The following RXFP2 variants were observed in gnomAD, a reference collection of about 807,000 sequenced individuals.
The protein encoded by RXFP2 is relaxin receptor 2.
RXFP2 carries 68 observed loss-of-function variants against 88.6 expected under a neutral mutation model. The ratio of observed to expected loss-of-function variants is 0.77; its 90% confidence interval spans 0.63 to 0.94. RXFP2 has a LOEUF of 0.94. Among genes scored for constraint, RXFP2 ranks in the 40% least tolerant of loss-of-function variants. RXFP2 has a pLI of 0.00. For synonymous variants in RXFP2, 329 were observed against 306.8 expected, an observed-to-expected ratio of 1.07 and a Z score of -0.76; for missense variants, 791 against 893.9, an observed-to-expected ratio of 0.88 and a Z score of 1.47.
intron 7 of RXFP2, among the ~76,000 whole-genome samples, chr13:31,775,855 T>G (rs986091705): frequency 6.6e-6 from 1 of 152,208 alleles, no homozygotes; most frequent in Non-Finnish European, 1.5e-5. Flanking sequence ...CCAAGAAACC[T>G]CACGTCAGAT....
chr13:31,766,170 C>A lies in RXFP2; in HGVS notation c.497+143C>A, dbSNP rs1050986718. ...ATGTAATTAAGATTAGAAAATAAAA[C>A]ATTTGAAAGTATGTTATCTTTCCAT... On this transcript the variant is annotated intron_variant, in intron 5 of 17. Transcript: ENST00000298386. 8.2e-6 allele frequency: 5 copies of A among 606,510 alleles called. No homozygotes were observed. In the Admixed American group the frequency reaches 8.7e-5, roughly 11 times the overall value. The allele number at this position is 606,510 out of a possible 1,614,324, so 37.6% of individuals were successfully genotyped here. A position where few individuals can be genotyped will look rare whatever the true frequency, so the allele number is the denominator to read the frequency against.
At chr13:31,753,177 A>G (rs1403840487) in intron 1 of RXFP2, among the ~76,000 whole-genome samples, 1 of 152,186 alleles carries the variant, frequency 6.6e-6, no homozygotes, top group East Asian at 1.9e-4. Context: ...TTGGCAGAGA[A>G]ATAGAGAAAG....
chr13:31,760,553 C>G (rs1566219228), intron 2 of RXFP2, among the ~76,000 whole-genome samples: 1 of 152,216 alleles, frequency 6.6e-6, no homozygotes, highest in Non-Finnish European at 1.5e-5. Context: ...AAATTCTCAT[C>G]CTTTCCTCTT....
At chr13:31,782,098 C>T (rs962152956) in intron 10 of RXFP2, among the ~76,000 whole-genome samples, 1 of 152,066 alleles carries the variant, frequency 6.6e-6, no homozygotes, top group African/African-American at 2.4e-5. Context: ...TAGCCAATGA[C>T]TCTTACCATT....
chr13:31,741,822 A>G (rs1001518071), intron 1 of RXFP2, among the ~76,000 whole-genome samples: 6 of 152,242 alleles, frequency 3.9e-5, no homozygotes, highest in African/African-American at 1.4e-4. Flanking sequence ...TGGACAAATT[A>G]GGAACCATAT....
intron 1 of RXFP2, among the ~76,000 whole-genome samples, chr13:31,756,721 A>G (rs1472241666): frequency 1.3e-5 from 2 of 150,092 alleles, no homozygotes; most frequent in African/African-American, 4.9e-5. Flanking sequence ...CCCCAAGTTC[A>G]AGCAACTCTT....
At position 31,758,321 on chromosome 13, in the gene RXFP2, G is replaced by A. The variant is rs1268457105; in HGVS notation, c.158G>A (p.Gly53Glu). ...PSCQKGYFPC[G>E]NLTKCLPRAF... ...TGCCAAAAAGGATATTTTCCCTGTG[G>A]GAATCTTACCAAGTGCTTACCCCGA... is the stretch of plus-strand genomic sequence containing the variant. Residue 53 changes from glycine (G) to glutamate (E), a missense_variant, in exon 2 of 18, where the codon GGG becomes GAG. By Grantham distance (98) the Gly-to-Glu change is moderately conservative. Transcript: ENST00000298386. 12 of 1,613,982 alleles carry A rather than the reference G, an allele frequency of 7.4e-6. No individual in the cohort carries two copies. The highest frequency in any genetic ancestry group is 5.0e-5 in the Admixed American group (3 of 59,992).
intron 3 of RXFP2, among the ~76,000 whole-genome samples, chr13:31,763,109 C>T (rs1326829000): frequency 1.5e-5 from 2 of 136,498 alleles, no homozygotes; most frequent in African/African-American, 5.5e-5. Context: ...TTTGAGACAG[C>T]ATCTCACTCT....
At chr13:31,773,374 A>G (rs1394870214) in intron 5 of RXFP2, among the ~76,000 whole-genome samples, 1 of 151,840 alleles carries the variant, frequency 6.6e-6, no homozygotes, top group Non-Finnish European at 1.5e-5. Context: ...TTTGTAAAGT[A>G]CTTGGGGTAA....
At chr13:31,751,323 A>G (rs1031822438) in intron 1 of RXFP2, among the ~76,000 whole-genome samples, 2 of 152,096 alleles carry the variant, frequency 1.3e-5, no homozygotes, top group Non-Finnish European at 2.9e-5. Context: ...ATATATATAC[A>G]CAATATAGGA....
intron 7 of RXFP2, 64 bp downstream of exon 7, chr13:31,775,453 T>G: frequency 8.7e-7 from 1 of 1,153,540 alleles, no homozygotes; most frequent in Non-Finnish European, 1.3e-6. Flanking sequence ...ATAACAGTGC[T>G]AATGTAGTTT....
In RXFP2 at chr13:31,802,452, G is replaced by A. The variant is rs200792098; in HGVS notation, c.*47G>A. The A allele has an allele frequency of 6.3e-7, 1 of 1,597,946 alleles. No homozygotes were observed. Among genetic ancestry groups the A allele is most frequent in the Non-Finnish European group, 8.6e-7 (1 of 1,168,716 alleles). On this transcript the variant is annotated 3_prime_UTR_variant, in exon 18 of 18. Transcript: ENST00000298386. ...CTTTCAGTGGACTACCTAAAACAGG[G>A]GACAGCTTTTGGAAGATGACATCTG...
chr13:31,786,306 G>A, intron 11 of RXFP2, 77 bp from the exon 12 acceptor site: 2 of 1,006,984 alleles, frequency 2.0e-6, no homozygotes, highest in Admixed American at 3.4e-5. Flanking sequence ...CAAATGGGAT[G>A]ATGATAATTG....
At chr13:31,778,909 G>A (rs1431759113) in intron 9 of RXFP2, among the ~76,000 whole-genome samples, 1 of 151,996 alleles carries the variant, frequency 6.6e-6, no homozygotes, top group Non-Finnish European at 1.5e-5. Context: ...AAAAAATCTT[G>A]CTCCCTTATT....
At chr13:31,781,461 T>A (rs1873268290) in intron 9 of RXFP2, among the ~76,000 whole-genome samples, 3 of 152,054 alleles carry the variant, frequency 2.0e-5, no homozygotes, top group African/African-American at 7.2e-5. Context: ...TCGCTAAAAG[T>A]TAGGCTGCCC....
chr13:31,748,576 C>T (rs1277717280), intron 1 of RXFP2, among the ~76,000 whole-genome samples: 3 of 152,008 alleles, frequency 2.0e-5, no homozygotes, highest in Admixed American at 6.6e-5. Flanking sequence ...TTCTATTTAC[C>T]GTTCATTTTT....
At chr13:31,763,568 A>G (rs544927889) in intron 3 of RXFP2, among the ~76,000 whole-genome samples, 1 of 152,332 alleles carries the variant, frequency 6.6e-6, no homozygotes, top group South Asian at 2.1e-4. Context: ...TAAAAGAGTT[A>G]CTGGTTATTA....
At chr13:31,767,799 T>C (rs1461799567) in intron 5 of RXFP2, among the ~76,000 whole-genome samples, 2 of 152,172 alleles carry the variant, frequency 1.3e-5, no homozygotes, top group Admixed American at 1.3e-4. Flanking sequence ...AAAGAAATAG[T>C]TCTAGCAATC....
chr13:31,765,821 A>G, intron 4 of RXFP2, 135 bp from the exon 5 acceptor site: 1 of 622,958 alleles, frequency 1.6e-6, no homozygotes, highest in Non-Finnish European at 2.9e-6. Flanking sequence ...AAAAATTTTT[A>G]GTTATTGTCA....
Sources: gnomAD v4.1 joint callset for allele counts (sites outside exome capture counted in the v4.1 genomes callset) on GRCh38, gnomAD v4.1.1 for gene constraint, MANE v1.5 for transcripts, NCBI Gene and HGNC (gene_info 2026-07-23, HGNC 2026-07-21) for gene names.